The following ESRP1 variants were observed in gnomAD, a reference collection of about 807,000 sequenced individuals.
The protein encoded by ESRP1 is RNA-binding motif protein 35A.
Under a neutral mutation model 81.7 loss-of-function variants are expected in ESRP1, and 33 were observed. That is an observed-to-expected ratio of 0.40 (90% CI 0.31 to 0.54). The LOEUF (loss-of-function observed/expected upper bound fraction) is 0.54, where lower values mean the gene tolerates loss of function less well. Ranked by LOEUF, ESRP1 falls within the 20% of genes least tolerant of loss-of-function variation. The pLI, the probability that ESRP1 is intolerant of heterozygous loss-of-function variation, is 0.41. For synonymous variants in ESRP1, 320 were observed against 303.3 expected (o/e 1.06, Z -0.57); for missense variants, 672 against 833.1 (o/e 0.81, Z 2.38).
In ESRP1 at chr8:94,705,156, C is replaced by CTTTTTTTTTTTTTTT. The variant is rs57801249; in HGVS notation, c.*36-754_*36-740dup. 4.4e-5 allele frequency among the ~76,000 whole-genome samples: 4 copies of CTTTTTTTTTTTTTTT among 90,560 alleles called. 1 individual carries two copies. The highest frequency in any genetic ancestry group is 1.3e-4 in the African/African-American group (3 of 22,766). 59.4% of individuals were successfully genotyped at this position (90,560 alleles called of 152,430 possible). A position where few individuals can be genotyped will look rare whatever the true frequency, so the allele number is the denominator to read the frequency against. ...TTTGCTGTTATGTCATGCCTTATTG[C>CTTTTTTTTTTTTTTT]TTTTTTTTTTTTTTTTTTTTTTTTT... On this transcript the variant is annotated intron_variant, in intron 15 of 15. Coordinates refer to ENST00000433389, the MANE Select transcript of ESRP1 (RefSeq NM_017697.4).
intron 11 of ESRP1, among the ~76,000 whole-genome samples, chr8:94,672,933 T>TC (rs397754705): frequency 6.6e-6 from 1 of 151,734 alleles, no homozygotes; most frequent in African/African-American, 2.4e-5. Flanking sequence ...TGAATTTTTT[T>TC]CCCCTAAATT....
In ESRP1 at chr8:94,671,637, G is replaced by T; in HGVS notation, c.1418G>T (p.Arg473Leu). ...CTGGGGGAGTTCGCCACAGATATTC[G>T]TACTCATGGGGTTCACATGGTTTTG... ...DFLGEFATDIRTHGVHMVLNH... is the reference protein window; with the variant it reads ...DFLGEFATDILTHGVHMVLNH... The change falls in exon 11 of 16, where the codon CGT becomes CTT. Residue 473 changes from arginine (R) to leucine (L), a missense_variant. By Grantham distance (102) the Arg-to-Leu change is moderately radical. Coordinates refer to ENST00000433389, the MANE Select transcript of ESRP1 (RefSeq NM_017697.4). 1 of 1,613,778 alleles carries T rather than the reference G, an allele frequency of 6.2e-7. No homozygotes were observed. Among genetic ancestry groups the T allele is most frequent in the Non-Finnish European group, 8.5e-7 (1 of 1,179,858 alleles).
intron 2 of ESRP1, among the ~76,000 whole-genome samples, chr8:94,643,043 A>AT (rs914689473): frequency 7.2e-5 from 11 of 152,216 alleles, no homozygotes; most frequent in South Asian, 4.2e-4. Flanking sequence ...TCTTGAATGA[A>AT]TTTTTTTTGT....
At chr8:94,667,904 T>C in intron 9 of ESRP1, 45 bp from the exon 10 acceptor site, 1 of 1,483,846 alleles carries the variant, frequency 6.7e-7, no homozygotes, top group Non-Finnish European at 9.1e-7. Flanking sequence ...AAAGTTGATG[T>C]CTTAACTATT....
Position 94,678,389 on chromosome 8 carries a change from G to A in ESRP1, c.1820+18G>A, listed in dbSNP as rs780439992. 1.9e-6 allele frequency: 3 copies of A among 1,604,456 alleles called. No homozygotes were observed. Among genetic ancestry groups the A allele is most frequent in the Non-Finnish European group, 2.6e-6 (3 of 1,174,444 alleles). ...TATCCCAGGTAAGGCTCTGACAGAG[G>A]TGGAAATGAGGGGCAGAAACAAAGG... On this transcript the variant is annotated intron_variant, in intron 13 of 15. Coordinates refer to ENST00000433389, the MANE Select transcript of ESRP1 (RefSeq NM_017697.4).
At chr8:94,696,452 A>G (rs1032357266) in intron 14 of ESRP1, among the ~76,000 whole-genome samples, 1 of 152,230 alleles carries the variant, frequency 6.6e-6, no homozygotes, top group South Asian at 2.1e-4. Flanking sequence ...AATTCACTGC[A>G]TTGTTTGGAG....
chr8:94,679,653 C>A (rs1230186668), intron 13 of ESRP1, among the ~76,000 whole-genome samples: 1 of 151,630 alleles, frequency 6.6e-6, no homozygotes, highest in Non-Finnish European at 1.5e-5. Context: ...GCCTGTAGGT[C>A]AATTTTTTTT....
At position 94,678,278 on chromosome 8, in the gene ESRP1, C is replaced by T; in HGVS notation, c.1727C>T (p.Ser576Phe). Reference sequence around the variant, plus strand: ...ACAGAAGCTGCCATTTACCAGCCCTCTGTGATTTTGAATCCACGAGCACTG... The same window carrying T: ...ACAGAAGCTGCCATTTACCAGCCCTTTGTGATTTTGAATCCACGAGCACTG... ...IPTEAAIYQP[S>F]VILNPRALQP... is the part of the protein sequence containing the mutation. Residue 576 changes from serine to phenylalanine, a missense_variant, in exon 13 of 16, where the codon TCT becomes TTT. Ser to Phe is a radical substitution (Grantham distance 155). Coordinates refer to ENST00000433389, the MANE Select transcript of ESRP1 (RefSeq NM_017697.4). The T allele has an allele frequency of 1.2e-6, 2 of 1,614,002 alleles. No homozygotes were observed. Among genetic ancestry groups the T allele is most frequent in the Non-Finnish European group, 1.7e-6 (2 of 1,179,888 alleles).
chr8:94,644,623 A>G (rs1204494728), intron 3 of ESRP1, among the ~76,000 whole-genome samples: 2 of 152,172 alleles, frequency 1.3e-5, no homozygotes, highest in African/African-American at 4.8e-5. Flanking sequence ...GAAGGACAAG[A>G]CTTAATCTTT....
In ESRP1 at chr8:94,641,308, C is replaced by T. The variant is rs746095146; in HGVS notation, c.-11C>T. 2 of 1,612,250 alleles carry T rather than the reference C, an allele frequency of 1.2e-6. No individual in the cohort carries two copies. The highest frequency in any genetic ancestry group is 2.2e-5 in the South Asian group (2 of 90,896). On this transcript the variant is annotated 5_prime_UTR_variant, in exon 1 of 16. Transcript: ENST00000433389. The stretch of plus-strand genomic sequence containing the variant: ...TCCCGACCCCCCCTCTCCCCCTCCC[C>T]ACCTATCGTCATGACGGCCTCTCCG...
chr8:94,701,203 A>AGGT (rs1809821777), intron 15 of ESRP1, among the ~76,000 whole-genome samples: 1 of 148,508 alleles, frequency 6.7e-6, no homozygotes, highest in African/African-American at 2.5e-5. Context: ...TGAACCTGGG[A>AGGT]GGTGGAGGTT....
intron 10 of ESRP1, among the ~76,000 whole-genome samples, chr8:94,670,879 C>CA (rs1370455728): frequency 6.6e-6 from 1 of 152,148 alleles, no homozygotes; most frequent in Non-Finnish European, 1.5e-5. Flanking sequence ...TCTTTATACC[C>CA]ACCCATTCTG....
intron 5 of ESRP1, 33 bp from the exon 6 acceptor site, chr8:94,662,468 C>G (rs956267907): frequency 4.4e-6 from 7 of 1,582,012 alleles, no homozygotes; most frequent in Non-Finnish European, 6.0e-6. Flanking sequence ...TCCCTAATCA[C>G]TAAAATGATG....
At chr8:94,688,085 T>C (rs1036232591) in intron 13 of ESRP1, 1 of 152,308 alleles carries the variant, frequency 6.6e-6, no homozygotes, top group African/African-American at 2.4e-5. Flanking sequence ...AAATCATCCC[T>C]TTAGAGAAAA....
chr8:94,666,541 A>G (rs868727925), intron 9 of ESRP1, among the ~76,000 whole-genome samples: 1 of 152,246 alleles, frequency 6.6e-6, no homozygotes, highest in South Asian at 2.1e-4. Context: ...TTGCCAAATT[A>G]TATGAAGATG....
intron 10 of ESRP1, among the ~76,000 whole-genome samples, chr8:94,671,052 T>G (rs2130639078): frequency 6.6e-6 from 1 of 152,352 alleles, no homozygotes; most frequent in East Asian, 1.9e-4. Flanking sequence ...TTTCTACTTT[T>G]GCTACAAAAG....
chr8:94,654,389 C>T (rs1818299134), intron 4 of ESRP1, among the ~76,000 whole-genome samples: 1 of 152,162 alleles, frequency 6.6e-6, no homozygotes, highest in Non-Finnish European at 1.5e-5. Flanking sequence ...TTTTAGAAAG[C>T]TTCGGAAGAC....
At chr8:94,703,874 G>A (rs1809948806) in intron 15 of ESRP1, among the ~76,000 whole-genome samples, 1 of 152,166 alleles carries the variant, frequency 6.6e-6, no homozygotes, top group Non-Finnish European at 1.5e-5. Context: ...AGGTGATGGG[G>A]CAGTTGTTTT....
intron 13 of ESRP1, among the ~76,000 whole-genome samples, chr8:94,692,224 A>G (rs142270012): frequency 1.3e-5 from 2 of 152,204 alleles, no homozygotes; most frequent in Non-Finnish European, 2.9e-5. Flanking sequence ...TCCTATATAT[A>G]GGTAGAACAG....
Sources: gnomAD v4.1 joint callset for allele counts (sites outside exome capture counted in the v4.1 genomes callset) on GRCh38, gnomAD v4.1.1 for gene constraint, MANE v1.5 for transcripts, NCBI Gene and HGNC (gene_info 2026-07-23, HGNC 2026-07-21) for gene names.